The following MAF variants were observed in gnomAD, a reference collection of about 807,000 sequenced individuals.
MAF encodes the protein MAF bZIP transcription factor, also known as transcription factor Maf.
Under a neutral mutation model 22.0 loss-of-function variants are expected in MAF, and 10 were observed. The ratio of observed to expected loss-of-function variants is 0.45; its 90% CI spans 0.28 to 0.77. MAF has a LOEUF of 0.77. Among genes scored for constraint, MAF ranks in the 30% least tolerant of loss-of-function variants. The pLI is 0.12. For missense variants in MAF, 544 were observed against 548.4 expected, an observed-to-expected ratio of 0.99 and a Z score of 0.08; for synonymous variants, 337 against 255.8, an observed-to-expected ratio of 1.32 and a Z score of -3.03.
the MAF span, among the ~76,000 whole-genome samples, chr16:79,552,932 G>A: frequency 6.4e-4 from 98 of 152,304 alleles, 2 homozygotes; most frequent in African/African-American, 1.9e-3. Context: ...TCAACTTGGC[G>A]GCAATAGCAG....
chr16:79,493,836 C>G, the MAF span, among the ~76,000 whole-genome samples: 1 of 151,880 alleles, frequency 6.6e-6, no homozygotes, highest in Non-Finnish European at 1.5e-5. Context: ...TTTGCTTCCC[C>G]CAAAGCCTTA....
the MAF span, among the ~76,000 whole-genome samples, chr16:79,452,607 A>T: frequency 5.3e-5 from 8 of 152,100 alleles, no homozygotes; most frequent in Non-Finnish European, 1.2e-4. Context: ...GATTTGAAAA[A>T]TGTGGCAGAC....
chr16:79,316,899 C>T, the MAF span, among the ~76,000 whole-genome samples: 1 of 152,138 alleles, frequency 6.6e-6, no homozygotes, highest in Non-Finnish European at 1.5e-5. Context: ...TCATTGGACA[C>T]CAACAAAGTA....
the MAF span, among the ~76,000 whole-genome samples, chr16:79,465,802 G>C: frequency 6.6e-6 from 1 of 152,074 alleles, no homozygotes; most frequent in Non-Finnish European, 1.5e-5. Flanking sequence ...ATCTCCAATA[G>C]GTATTGTGAG....
chr16:79,342,110 T>G, the MAF span, among the ~76,000 whole-genome samples: 1 of 152,240 alleles, frequency 6.6e-6, no homozygotes, highest in Non-Finnish European at 1.5e-5. Flanking sequence ...AGCCCCATTT[T>G]GGGTATGTAA....
At chr16:79,476,534 A>G in the MAF span, among the ~76,000 whole-genome samples, 1 of 152,326 alleles carries the variant, frequency 6.6e-6, no homozygotes, top group East Asian at 1.9e-4. Context: ...TTTGACTCCC[A>G]ACTCTGCTCC....
At chr16:79,311,440 T>A in the MAF span, among the ~76,000 whole-genome samples, 1 of 151,766 alleles carries the variant, frequency 6.6e-6, no homozygotes, top group African/African-American at 2.4e-5. Flanking sequence ...GTGCATGATT[T>A]ACTGTGCAAA....
chr16:79,559,768 C>T, the MAF span, among the ~76,000 whole-genome samples: 9 of 152,262 alleles, frequency 5.9e-5, no homozygotes, highest in South Asian at 1.9e-3. Context: ...TCTTTCCCTC[C>T]TCTTGATTCT....
the MAF span, among the ~76,000 whole-genome samples, chr16:79,539,711 A>G: frequency 6.6e-6 from 1 of 152,234 alleles, no homozygotes; most frequent in East Asian, 1.9e-4. Flanking sequence ...TTTCATTCAT[A>G]AAGTATAATA....
At chr16:79,432,481 A>G in the MAF span, among the ~76,000 whole-genome samples, 1 of 152,240 alleles carries the variant, frequency 6.6e-6, no homozygotes, top group African/African-American at 2.4e-5. Flanking sequence ...AAAATAGAAC[A>G]ATTATAACAA....
chr16:79,444,023 C>G, the MAF span, among the ~76,000 whole-genome samples: 1 of 151,952 alleles, frequency 6.6e-6, no homozygotes, highest in Non-Finnish European at 1.5e-5. Flanking sequence ...TACGTACACA[C>G]ACAAATATAT....
At chr16:79,593,239 C>G (rs1025270707), downstream of MAF, among the ~76,000 whole-genome samples, 1 of 152,056 alleles carries the variant, frequency 6.6e-6, no homozygotes, top group Non-Finnish European at 1.5e-5. Context: ...ACGAAAACAA[C>G]GGCCACAGCA....
downstream of MAF, among the ~76,000 whole-genome samples, chr16:79,583,606 C>A (rs561833708): frequency 6.6e-6 from 1 of 152,306 alleles, no homozygotes; most frequent in East Asian, 1.9e-4. Flanking sequence ...GGTCCATCCC[C>A]ACGTTCTGAT....
chr16:79,263,531 C>A, the MAF span, among the ~76,000 whole-genome samples: 5 of 152,220 alleles, frequency 3.3e-5, no homozygotes, highest in African/African-American at 9.6e-5. Context: ...AACTTTGTTT[C>A]TTCATGCCAA....
At chr16:79,540,367 C>T in the MAF span, among the ~76,000 whole-genome samples, 3 of 152,026 alleles carry the variant, frequency 2.0e-5, no homozygotes, top group Non-Finnish European at 4.4e-5. Context: ...GTCACTGGCT[C>T]CCAGAAGAAC....
the MAF span, among the ~76,000 whole-genome samples, chr16:79,572,818 C>T: frequency 6.6e-6 from 1 of 152,168 alleles, no homozygotes; most frequent in Non-Finnish European, 1.5e-5. Context: ...CCAGCTATAT[C>T]CAAAGTGCTG....
chr16:79,459,215 G>T, the MAF span, among the ~76,000 whole-genome samples: 4 of 152,108 alleles, frequency 2.6e-5, no homozygotes, highest in Admixed American at 1.3e-4. Flanking sequence ...TCTTAACCAC[G>T]ATGACATACA....
the MAF span, among the ~76,000 whole-genome samples, chr16:79,462,839 T>C: frequency 2.6e-5 from 4 of 152,206 alleles, no homozygotes; most frequent in African/African-American, 9.7e-5. Flanking sequence ...AAGTCAATAA[T>C]TTGCCTTTAT....
chr16:79,596,755 T>C (rs1235261099), intron 1 of MAF: 41 of 1,045,844 alleles, frequency 3.9e-5, no homozygotes, highest in South Asian at 9.2e-5. Flanking sequence ...TGTGGATTTT[T>C]TTTTAAGTTA....
Sources: gnomAD v4.1 joint callset for allele counts (sites outside exome capture counted in the v4.1 genomes callset) on GRCh38, gnomAD v4.1.1 for gene constraint, MANE v1.5 for transcripts, NCBI Gene and HGNC (gene_info 2026-07-23, HGNC 2026-07-21) for gene names.